The following FAM200B variants were observed in gnomAD, a reference collection of about 807,000 sequenced individuals.
The protein encoded by FAM200B is zinc finger BED-type containing 11.
Under a neutral mutation model 33.1 loss-of-function variants are expected in FAM200B, and 32 were observed. That is an observed-to-expected ratio of 0.97 (90% CI 0.73 to 1.30). The LOEUF is 1.30. FAM200B is among the 50% of genes most tolerant of loss of function. FAM200B has a pLI of 0.00. For synonymous variants in FAM200B, 240 were observed against 264.8 expected (o/e 0.91, Z 0.91); for missense variants, 741 against 754.0 (o/e 0.98, Z 0.20).
chr4:15,660,738 C>T, the FAM200B span, among the ~76,000 whole-genome samples: 12 of 152,184 alleles, frequency 7.9e-5, no homozygotes, highest in African/African-American at 2.9e-4. Context: ...CTCTCCCAGG[C>T]TGACTTGTTA....
chr4:15,667,816 C>T, the FAM200B span, among the ~76,000 whole-genome samples: 2 of 151,974 alleles, frequency 1.3e-5, no homozygotes, highest in South Asian at 4.1e-4. Context: ...CCAATGTGGG[C>T]GGATCACCTG....
At chr4:15,641,501 T>C in the FAM200B span, 6 of 386,754 alleles carry the variant, frequency 1.6e-5, no homozygotes, top group Non-Finnish European at 3.0e-5. Context: ...ATGTTCTTAG[T>C]AACATTCTTT....
chr4:15,650,591 A>G, the FAM200B span, among the ~76,000 whole-genome samples: 1 of 152,136 alleles, frequency 6.6e-6, no homozygotes, highest in African/African-American at 2.4e-5. Flanking sequence ...ATATATATAA[A>G]AGGACGCACA....
the FAM200B span, among the ~76,000 whole-genome samples, chr4:15,658,441 T>C: frequency 1.5e-3 from 234 of 152,336 alleles, 2 homozygotes; most frequent in Non-Finnish European, 1.8e-3. Flanking sequence ...TAAGAGGTGA[T>C]TGGGTCATGA....
the FAM200B span, among the ~76,000 whole-genome samples, chr4:15,665,663 T>C: frequency 2.0e-5 from 3 of 152,098 alleles, no homozygotes; most frequent in Non-Finnish European, 2.9e-5. Flanking sequence ...TTTTTAAATA[T>C]GTAATAAAAA....
the FAM200B span, among the ~76,000 whole-genome samples, chr4:15,650,661 CTTTTTTTTTTT>C: frequency 6.4e-5 from 5 of 77,884 alleles, no homozygotes; most frequent in South Asian, 1.1e-3. Flanking sequence ...AACTGACTTT[CTTTTTTTTTTT>C]TTTTTTTTTT....
In FAM200B at chr4:15,686,934, C is replaced by A; in HGVS notation, c.-44C>A. Reference sequence around the variant, plus strand: ...TTTTTTCTTCTTTTTTGAGTTAGTGCCAATTATAACATTTTAATCAAACTG... The same window carrying A: ...TTTTTTCTTCTTTTTTGAGTTAGTGACAATTATAACATTTTAATCAAACTG... On this transcript the variant is annotated 5_prime_UTR_variant, in exon 2 of 2. Transcript: ENST00000422728. 9.9e-7 allele frequency: 1 copy of A among 1,005,104 alleles called. No homozygotes were observed. The highest frequency in any genetic ancestry group is 2.5e-5 in the South Asian group (1 of 40,074). The allele number at this position is 1,005,104 out of a possible 1,614,324, so 62.3% of individuals were successfully genotyped here. A position where few individuals can be genotyped will look rare whatever the true frequency, so the allele number is the denominator to read the frequency against.
chr4:15,638,882 T>C, the FAM200B span, among the ~76,000 whole-genome samples: 1 of 152,186 alleles, frequency 6.6e-6, no homozygotes, highest in Non-Finnish European at 1.5e-5. Context: ...AAGAAGATCC[T>C]GGCCAGGCGC....
chr4:15,667,940 T>C, the FAM200B span, among the ~76,000 whole-genome samples: 2 of 150,584 alleles, frequency 1.3e-5, no homozygotes, highest in Admixed American at 6.6e-5. Context: ...ACTCGGGAGG[T>C]TGTGGGAGGA....
chr4:15,670,651 G>C, the FAM200B span, among the ~76,000 whole-genome samples: 1 of 150,852 alleles, frequency 6.6e-6, no homozygotes, highest in Non-Finnish European at 1.5e-5. Context: ...CCCCACAAAA[G>C]AAACACTGGG....
upstream of FAM200B, among the ~76,000 whole-genome samples, chr4:15,679,562 C>CAAAAAAAA (rs1202369624): frequency 3.0e-4 from 28 of 93,856 alleles, no homozygotes; most frequent in East Asian, 1.1e-3. Flanking sequence ...AGTTCAGGAA[C>CAAAAAAAA]AAAAAAAAAA....
At chr4:15,648,188 AAC>A in the FAM200B span, among the ~76,000 whole-genome samples, 11 of 152,228 alleles carry the variant, frequency 7.2e-5, no homozygotes, top group Non-Finnish European at 1.5e-5. Flanking sequence ...TAATATAAAG[AAC>A]ACAGAATATA....
the FAM200B span, among the ~76,000 whole-genome samples, chr4:15,676,510 T>C: frequency 6.6e-6 from 1 of 152,202 alleles, no homozygotes; most frequent in Non-Finnish European, 1.5e-5. Flanking sequence ...ATGAAATATG[T>C]GGACATAGTT....
At chr4:15,662,134 C>A in the FAM200B span, among the ~76,000 whole-genome samples, 1 of 150,518 alleles carries the variant, frequency 6.6e-6, no homozygotes, top group Non-Finnish European at 1.5e-5. Flanking sequence ...AACCCCAGTA[C>A]AGTGTGGGAG....
chr4:15,676,917 CAA>C (rs949564880), upstream of FAM200B, among the ~76,000 whole-genome samples: 2 of 151,718 alleles, frequency 1.3e-5, no homozygotes, highest in Non-Finnish European at 2.9e-5. Context: ...AACAAAAAGA[CAA>C]AAAAAGTAGT....
the FAM200B span, among the ~76,000 whole-genome samples, chr4:15,675,572 ATTTTTTTTT>A: frequency 3.4e-4 from 33 of 96,704 alleles, no homozygotes; most frequent in Non-Finnish European, 4.5e-4. Context: ...CAAAACTCCT[ATTTTTTTTT>A]TTTTTTTTTT....
At position 15,689,362 on chromosome 4, in the gene FAM200B, G is replaced by T. The variant is rs1461312228; in HGVS notation, c.*411G>T. 1 of 169,128 alleles carries T rather than the reference G, an allele frequency of 5.9e-6. No individual in the cohort carries two copies. The highest frequency in any genetic ancestry group is 1.4e-5 in the Non-Finnish European group (1 of 69,574). 10.5% of individuals were successfully genotyped at this position (169,128 alleles called of 1,614,324 possible). A position where few individuals can be genotyped will look rare whatever the true frequency, so the allele number is the denominator to read the frequency against. ...GACCATTATTGGGCCTCTGGCTTTT[G>T]TCAGTGGACTAGAGAACAGTTGAAG... is the stretch of plus-strand genomic sequence containing the variant. On this transcript the variant is annotated 3_prime_UTR_variant, in exon 2 of 2. Coordinates refer to ENST00000422728, the MANE Select transcript of FAM200B (RefSeq NM_001145191.2).
chr4:15,677,118 C>A (rs1376001962), upstream of FAM200B, among the ~76,000 whole-genome samples: 1 of 152,066 alleles, frequency 6.6e-6, no homozygotes, highest in African/African-American at 2.4e-5. Context: ...TAACAGATAA[C>A]ACAAAATTCA....
At chr4:15,673,858 T>G in the FAM200B span, among the ~76,000 whole-genome samples, 1 of 152,194 alleles carries the variant, frequency 6.6e-6, no homozygotes, top group Admixed American at 6.5e-5. Flanking sequence ...CTCCCTGTAC[T>G]ATGGCTTAGA....
Sources: gnomAD v4.1 joint callset for allele counts (sites outside exome capture counted in the v4.1 genomes callset) on GRCh38, gnomAD v4.1.1 for gene constraint, MANE v1.5 for transcripts, NCBI Gene and HGNC (gene_info 2026-07-23, HGNC 2026-07-21) for gene names.